Variants in EYS observed in about 807,000 individuals in gnomAD.
The protein encoded by EYS is protein eyes shut homolog.
Under a neutral mutation model 282.1 loss-of-function variants are expected in EYS, and 250 were observed. The ratio of observed to expected loss-of-function variants is 0.89; its 90% CI spans 0.80 to 0.98. EYS has a LOEUF of 0.98. Ranked by LOEUF, EYS falls within the 50% of genes least tolerant of loss-of-function variation. The pLI is 0.00. For synonymous variants in EYS, 1,355 were observed against 1,282.9 expected (o/e 1.06, Z -1.20); for missense variants, 4,016 against 3,709.0 (o/e 1.08, Z -2.15).
intron 30 of EYS, among the ~76,000 whole-genome samples, chr6:64,244,764 G>A (rs972267463): frequency 4.0e-5 from 6 of 151,748 alleles, no homozygotes; most frequent in African/African-American, 9.7e-5. Context: ...TTAGTATGTC[G>A]ATTTCAAAAA....
intron 41 of EYS, among the ~76,000 whole-genome samples, chr6:63,748,571 T>A (rs1026408177): frequency 1.3e-5 from 2 of 152,132 alleles, no homozygotes; most frequent in African/African-American, 4.8e-5. Context: ...GTATCAGCTC[T>A]TCTTTGTACA....
rs546318971 is a variant in EYS, at chr6:64,887,539, C to G, written c.2847-697G>C. ...CTTCATAGTTTTTCCTTTTAGAAGT[C>G]TAGATAAAGAAGCTTTAGCAACTTT... On this transcript the variant is annotated intron_variant, in intron 18 of 42. Coordinates refer to ENST00000503581, the MANE Select transcript of EYS (RefSeq NM_001142800.2). Among the ~76,000 whole-genome samples the G allele has an allele frequency of 2.9e-4, 44 of 152,136 alleles. 1 individual carries two copies. The South Asian group carries it at 3.9e-3, about 14-fold the overall frequency.
chr6:63,989,147 G>C (rs1767498955), intron 34 of EYS, among the ~76,000 whole-genome samples: 1 of 151,606 alleles, frequency 6.6e-6, no homozygotes, highest in East Asian at 1.9e-4. Flanking sequence ...TTTCGGTTAA[G>C]ATGAATTATC....
intron 35 of EYS, among the ~76,000 whole-genome samples, chr6:63,958,810 A>G (rs1006614408): frequency 1.3e-5 from 2 of 152,214 alleles, no homozygotes; most frequent in Non-Finnish European, 2.9e-5. Context: ...AGCCTGGATT[A>G]CAGGATCTCT....
At chr6:63,995,255 A>G (rs771564319) in intron 34 of EYS, among the ~76,000 whole-genome samples, 2 of 152,072 alleles carry the variant, frequency 1.3e-5, no homozygotes, top group Admixed American at 6.6e-5. Flanking sequence ...TTGAATAGAC[A>G]TTTTTCCAAA....
At chr6:65,123,625 T>C (rs1457195077) in intron 12 of EYS, among the ~76,000 whole-genome samples, 2 of 151,788 alleles carry the variant, frequency 1.3e-5, no homozygotes, top group African/African-American at 2.4e-5. Flanking sequence ...CAAACCAGAG[T>C]GGCTAATATA....
chr6:64,948,506 A>G (rs1769371196), intron 14 of EYS, among the ~76,000 whole-genome samples: 1 of 146,986 alleles, frequency 6.8e-6, no homozygotes, highest in Admixed American at 6.8e-5. Context: ...AATATTAATT[A>G]TAAAAATAGA....
At chr6:64,284,878 C>T (rs557776076) in intron 30 of EYS, among the ~76,000 whole-genome samples, 21 of 152,302 alleles carry the variant, frequency 1.4e-4, no homozygotes, top group Non-Finnish European at 2.6e-4. Flanking sequence ...AGTCCCTAGA[C>T]TGCACACAGC....
intron 2 of EYS, among the ~76,000 whole-genome samples, chr6:65,632,194 T>C (rs1766937899): frequency 6.6e-6 from 1 of 152,152 alleles, no homozygotes; most frequent in South Asian, 2.1e-4. Flanking sequence ...AAAGTGCCTG[T>C]TACAATGCTG....
At chr6:64,335,570 C>T (rs573786572) in intron 29 of EYS, among the ~76,000 whole-genome samples, 3 of 152,128 alleles carry the variant, frequency 2.0e-5, no homozygotes, top group Admixed American at 6.6e-5. Context: ...GTTTGGGGCT[C>T]AGACTTTCTG....
chr6:64,810,158 A>G (rs1445836387), intron 22 of EYS, among the ~76,000 whole-genome samples: 1 of 152,068 alleles, frequency 6.6e-6, no homozygotes, highest in East Asian at 1.9e-4. Context: ...GACTTGAAGA[A>G]ATAAATAACA....
chr6:64,311,897 G>A (rs1041821491), intron 29 of EYS, among the ~76,000 whole-genome samples: 3 of 151,898 alleles, frequency 2.0e-5, no homozygotes, highest in African/African-American at 7.3e-5. Flanking sequence ...GACTCCCTCT[G>A]GTGCCTATGC....
At chr6:65,378,844 T>G (rs778693646) in intron 8 of EYS, among the ~76,000 whole-genome samples, 4 of 151,490 alleles carry the variant, frequency 2.6e-5, no homozygotes, top group African/African-American at 9.7e-5. Context: ...TGAGAACACA[T>G]GGAGACAGGG....
chr6:64,436,120 G>A (rs1774738715), intron 28 of EYS, 54 bp downstream of exon 28: 1 of 1,057,794 alleles, frequency 9.5e-7, no homozygotes, highest in Non-Finnish European at 1.4e-6. Context: ...AATATTGTTA[G>A]GGATAGCCTT....
At chr6:64,528,350 T>A (rs10494880) in intron 26 of EYS, among the ~76,000 whole-genome samples, 43,102 of 151,452 alleles carry the variant, frequency 0.28, 6,375 homozygotes, top group East Asian at 0.46. Flanking sequence ...TCTGTTACAA[T>A]CTCTTATTAC....
At chr6:65,414,326 T>G (rs1767146803) in intron 5 of EYS, among the ~76,000 whole-genome samples, 1 of 152,162 alleles carries the variant, frequency 6.6e-6, no homozygotes, top group Non-Finnish European at 1.5e-5. Flanking sequence ...AGCATTTTGT[T>G]CTAAATAGTG....
intron 12 of EYS, among the ~76,000 whole-genome samples, chr6:65,104,196 T>G (rs1252329092): frequency 6.6e-6 from 1 of 151,460 alleles, no homozygotes; most frequent in African/African-American, 2.4e-5. Flanking sequence ...ACTTCCAATG[T>G]TTTTCTAAAG....
rs573023972 is a variant in EYS at position 65,478,456 on chromosome 6, A to G, written c.862+12138T>C. Among the ~76,000 whole-genome samples the G allele has an allele frequency of 3.3e-5, 5 of 152,248 alleles. No individual in the cohort carries two copies. In the South Asian group the frequency reaches 1.0e-3, roughly 32 times the overall value. On this transcript the variant is annotated intron_variant, in intron 5 of 42. Coordinates refer to ENST00000503581, the MANE Select transcript of EYS (RefSeq NM_001142800.2). ...AGTAGCAAAAGCTAAAATTAATTATATGCTTACCAAGTATTTTACATGAAT... is the reference window on the plus strand; with the variant it reads ...AGTAGCAAAAGCTAAAATTAATTATGTGCTTACCAAGTATTTTACATGAAT...
At chr6:64,302,254 C>T (rs1769262210) in intron 30 of EYS, among the ~76,000 whole-genome samples, 2 of 152,146 alleles carry the variant, frequency 1.3e-5, no homozygotes, top group Non-Finnish European at 2.9e-5. Flanking sequence ...TTTCAACTTA[C>T]CCAGAGACTA....
Sources: allele counts gnomAD v4.1 joint callset (sites outside exome capture counted in the v4.1 genomes callset), GRCh38; gene constraint gnomAD v4.1.1; transcripts MANE v1.5; gene names NCBI Gene and HGNC (gene_info 2026-07-23, HGNC 2026-07-21).